The following DPP10 variants were observed in gnomAD, a reference collection of about 807,000 sequenced individuals.
DPP10 encodes the protein inactive dipeptidyl peptidase 10.
DPP10 carries 33 observed loss-of-function variants against 120.9 expected under a neutral mutation model. That is an observed-to-expected ratio of 0.27 (90% CI 0.21 to 0.37). The LOEUF is 0.37. Among genes scored for constraint, DPP10 ranks in the 10% least tolerant of loss-of-function variants. The pLI is 1.00. For missense variants in DPP10, 816 were observed against 942.8 expected, an observed-to-expected ratio of 0.87 and a Z score of 1.76; for synonymous variants, 337 against 326.1, an observed-to-expected ratio of 1.03 and a Z score of -0.36.
chr2:114,704,299 G>A (rs1461261073), intron 1 of DPP10, among the ~76,000 whole-genome samples: 1 of 152,128 alleles, frequency 6.6e-6, no homozygotes, highest in East Asian at 1.9e-4. Context: ...AAGATAGATT[G>A]GGGAGAAGGA....
At chr2:114,516,745 A>G (rs1443883306) in intron 1 of DPP10, among the ~76,000 whole-genome samples, 1 of 152,236 alleles carries the variant, frequency 6.6e-6, no homozygotes, top group East Asian at 1.9e-4. Context: ...ATTAAACTCA[A>G]AAGAGAGTAT....
At chr2:115,493,626 A>AGTG (rs1445071115) in intron 3 of DPP10, among the ~76,000 whole-genome samples, 1 of 152,120 alleles carries the variant, frequency 6.6e-6, no homozygotes, top group African/African-American at 2.4e-5. Flanking sequence ...AGGGCAAGAT[A>AGTG]GTGGTTCAAA....
chr2:115,267,474 A>G (rs13393783), intron 1 of DPP10, among the ~76,000 whole-genome samples: 1,772 of 152,258 alleles, frequency 0.012, 32 homozygotes, highest in African/African-American at 0.04. Flanking sequence ...TACATTTTAA[A>G]GTGATATTTT....
rs560168590 is a variant in DPP10 at position 115,079,108 on chromosome 2, C to T, written c.61-230131C>T. Reference sequence around the variant, plus strand: ...GAAATAAGAAATCCTCGGCCGGGCGCGGTGGCTCACGCCTGTAATCCCAGC... The same window carrying T: ...GAAATAAGAAATCCTCGGCCGGGCGTGGTGGCTCACGCCTGTAATCCCAGC... On this transcript the variant is annotated intron_variant, in intron 1 of 25. Transcript: ENST00000410059. Among the ~76,000 whole-genome samples, 242 of 152,302 alleles carry T rather than the reference C, an allele frequency of 1.6e-3. 1 individual carries two copies. The highest frequency in any genetic ancestry group is 2.1e-3 in the South Asian group (10 of 4,828).
intron 1 of DPP10, among the ~76,000 whole-genome samples, chr2:115,171,553 G>A (rs2053337864): frequency 6.6e-6 from 1 of 151,830 alleles, no homozygotes; most frequent in South Asian, 2.1e-4. Context: ...ACAATGGAGA[G>A]GTGAAGTGAC....
At chr2:115,060,314 C>T (rs2105388539) in intron 1 of DPP10, among the ~76,000 whole-genome samples, 1 of 151,882 alleles carries the variant, frequency 6.6e-6, no homozygotes, top group Admixed American at 6.6e-5. Context: ...GTATAAAGCC[C>T]GTGGGCTGTG....
At chr2:115,172,241 G>T (rs920983891) in intron 1 of DPP10, among the ~76,000 whole-genome samples, 1 of 152,006 alleles carries the variant, frequency 6.6e-6, no homozygotes, top group African/African-American at 2.4e-5. Flanking sequence ...CTTCTCCCCC[G>T]GGCGTGGTGG....
At chr2:115,733,900 A>G (rs1190859873) in intron 8 of DPP10, among the ~76,000 whole-genome samples, 1 of 152,246 alleles carries the variant, frequency 6.6e-6, no homozygotes. Flanking sequence ...ATGAAATGCC[A>G]TTTGTAAAAA....
chr2:115,430,538 G>A (rs1423451219), intron 3 of DPP10, among the ~76,000 whole-genome samples: 1 of 152,048 alleles, frequency 6.6e-6, no homozygotes, highest in African/African-American at 2.4e-5. Flanking sequence ...TCAAGTATTT[G>A]TGGAATTCAG....
intron 1 of DPP10, among the ~76,000 whole-genome samples, chr2:115,204,606 T>C (rs1272120012): frequency 6.6e-6 from 1 of 152,150 alleles, no homozygotes; most frequent in Non-Finnish European, 1.5e-5. Flanking sequence ...GGAAATGGCC[T>C]CTGTGGATGA....
rs922287084 is a variant in DPP10 at position 114,759,816 on chromosome 2, T to A, written c.60+316978T>A. Among the ~76,000 whole-genome samples, 3 of 35,500 alleles carry A rather than the reference T, an allele frequency of 8.5e-5. No homozygotes were observed. The South Asian group carries it at 2.4e-3, about 28-fold the overall frequency. The allele number at this position is 35,500 out of a possible 152,430, so 23.3% of individuals were successfully genotyped here. On this transcript the variant is annotated intron_variant, in intron 1 of 25. Coordinates refer to ENST00000410059, the MANE Select transcript of DPP10 (RefSeq NM_020868.6). ...AGGAACTGGTGGGGGTGGGCAGTGA[T>A]GGGGGTGGGTCAGCACAAGATGATG...
chr2:115,764,654 T>A (rs1317433651), intron 12 of DPP10, among the ~76,000 whole-genome samples: 1 of 152,120 alleles, frequency 6.6e-6, no homozygotes, highest in African/African-American at 2.4e-5. Flanking sequence ...AATTTTTAAA[T>A]CCCAAATTTA....
intron 1 of DPP10, among the ~76,000 whole-genome samples, chr2:114,943,356 C>G (rs1697108356): frequency 6.6e-6 from 1 of 152,174 alleles, no homozygotes; most frequent in Non-Finnish European, 1.5e-5. Flanking sequence ...TCACTACAAC[C>G]TCTGCCTCCC....
At chr2:115,527,881 G>A (rs2148904705) in intron 5 of DPP10, among the ~76,000 whole-genome samples, 1 of 152,224 alleles carries the variant, frequency 6.6e-6, no homozygotes, top group South Asian at 2.1e-4. Context: ...CAAGCATGCA[G>A]AGAAACTGGA....
chr2:114,908,904 A>G (rs1275282645), intron 1 of DPP10, among the ~76,000 whole-genome samples: 1 of 151,756 alleles, frequency 6.6e-6, no homozygotes, highest in Non-Finnish European at 1.5e-5. Flanking sequence ...TATTTTACTG[A>G]GAAATTTTTA....
intron 1 of DPP10, among the ~76,000 whole-genome samples, chr2:115,290,775 A>G (rs1462212187): frequency 6.6e-6 from 1 of 152,128 alleles, no homozygotes; most frequent in African/African-American, 2.4e-5. Flanking sequence ...TGCACTTGCA[A>G]CAAGATTGTC....
chr2:115,700,587 G>A (rs573414831), intron 7 of DPP10, among the ~76,000 whole-genome samples: 1 of 151,872 alleles, frequency 6.6e-6, no homozygotes, highest in South Asian at 2.1e-4. Context: ...CCTAGCAAAA[G>A]CAATTAAGCA....
intron 1 of DPP10, among the ~76,000 whole-genome samples, chr2:115,016,237 G>A (rs1702625975): frequency 1.3e-5 from 2 of 152,086 alleles, no homozygotes; most frequent in African/African-American, 2.4e-5. Context: ...CCAGCCTGAC[G>A]AAAACAAGCA....
intron 4 of DPP10, among the ~76,000 whole-genome samples, chr2:115,523,313 G>T (rs1267675107): frequency 6.8e-6 from 1 of 146,638 alleles, no homozygotes; most frequent in African/African-American, 2.6e-5. Flanking sequence ...TAATTTGTGT[G>T]AGGAACATCA....
Sources: allele counts gnomAD v4.1 joint callset (sites outside exome capture counted in the v4.1 genomes callset), GRCh38; gene constraint gnomAD v4.1.1; transcripts MANE v1.5; gene names NCBI Gene and HGNC (gene_info 2026-07-23, HGNC 2026-07-21).